Variants in PLXDC1 observed in about 807,000 individuals in gnomAD.
PLXDC1 encodes the protein plexin domain containing 1.
In PLXDC1, 39 loss-of-function variants were observed where a neutral mutation model predicts 61.3. That is an observed-to-expected ratio of 0.64 (90% CI 0.49 to 0.83). PLXDC1 has a LOEUF of 0.83. Ranked by LOEUF, PLXDC1 falls within the 40% of genes least tolerant of loss-of-function variation. The probability of loss-of-function intolerance (pLI) is 0.00; values close to 1 mark genes in which losing one functional copy is unlikely to be tolerated. For missense variants in PLXDC1, 596 were observed against 666.5 expected, an observed-to-expected ratio of 0.89 and a Z score of 1.17; for synonymous variants, 212 against 254.5, an observed-to-expected ratio of 0.83 and a Z score of 1.59.
intron 7 of PLXDC1, among the ~76,000 whole-genome samples, chr17:39,094,614 A>G (rs1910076329): frequency 6.6e-6 from 1 of 152,194 alleles, no homozygotes; most frequent in Non-Finnish European, 1.5e-5. Flanking sequence ...AAGCTCCGCT[A>G]AGACAGAGTC....
chr17:39,120,758 ATTTT>A (rs57148436), intron 2 of PLXDC1, among the ~76,000 whole-genome samples: 4,200 of 124,304 alleles, frequency 0.034, 79 homozygotes, highest in African/African-American at 0.052. Flanking sequence ...CACCCAGCTA[ATTTT>A]TTTTTTTTTT....
At chr17:39,122,177 C>T (rs1355308377) in intron 2 of PLXDC1, among the ~76,000 whole-genome samples, 2 of 149,028 alleles carry the variant, frequency 1.3e-5, no homozygotes, top group South Asian at 2.1e-4. Flanking sequence ...CCGAGGTAGG[C>T]GGATCACTTG....
At chr17:39,121,208 A>G (rs933566286) in intron 2 of PLXDC1, among the ~76,000 whole-genome samples, 7 of 152,222 alleles carry the variant, frequency 4.6e-5, no homozygotes, top group African/African-American at 1.7e-4. Context: ...AGAATCTCTG[A>G]ACCCACCTAT....
intron 7 of PLXDC1, among the ~76,000 whole-genome samples, chr17:39,092,949 C>T (rs1295968537): frequency 6.6e-6 from 1 of 152,234 alleles, no homozygotes; most frequent in Non-Finnish European, 1.5e-5. Context: ...TAGGAAGAGA[C>T]ATGTTCAGTT....
At chr17:39,140,128 G>A (rs1195626163) in intron 1 of PLXDC1, among the ~76,000 whole-genome samples, 1 of 152,166 alleles carries the variant, frequency 6.6e-6, no homozygotes, top group Non-Finnish European at 1.5e-5. Flanking sequence ...GTCACGCAGT[G>A]GGTTAGGCAT....
Position 39,129,016 on chromosome 17 carries a change from G to C in PLXDC1, c.255+10638C>G, listed in dbSNP as rs114964092. Among the ~76,000 whole-genome samples the C allele has an allele frequency of 6.9e-3, 1,017 of 147,514 alleles. 18 individuals carry two copies. The highest frequency in any genetic ancestry group is 0.024 in the African/African-American group (940 of 39,958). ...CAGAGCAAGACTCCATCTCAAAAGA[G>C]AGAAAAAAACAGATACTCATGCCAG... On this transcript the variant is annotated intron_variant, in intron 2 of 13. Transcript: ENST00000315392.
intron 2 of PLXDC1, among the ~76,000 whole-genome samples, chr17:39,125,056 A>G (rs1911275358): frequency 6.6e-6 from 1 of 152,082 alleles, no homozygotes. Context: ...GGCTCAAGCA[A>G]TCCTCCCTCC....
rs1555573192 is a variant in PLXDC1 at position 39,128,117 on chromosome 17, A to ATATATG, written c.255+11536_255+11537insCATATA. Among the ~76,000 whole-genome samples the ATATATG allele has an allele frequency of 1.7e-3, 163 of 96,396 alleles. 8 individuals are homozygous for ATATATG. Among genetic ancestry groups the ATATATG allele is most frequent in the South Asian group, 0.016 (50 of 3,084 alleles). The allele number at this position is 96,396 out of a possible 152,430, so 63.2% of individuals were successfully genotyped here. On this transcript the variant is annotated intron_variant, in intron 2 of 13. Transcript: ENST00000315392. ...TATGTGTATATATATATATATATGT[A>ATATATG]TATATATATGTGTATATATATGTAT...
intron 7 of PLXDC1, among the ~76,000 whole-genome samples, chr17:39,096,255 G>C (rs887959932): frequency 4.6e-5 from 7 of 152,204 alleles, no homozygotes; most frequent in African/African-American, 1.7e-4. Context: ...AAGTAGGGGG[G>C]TCCCTCAGCA....
intron 2 of PLXDC1, among the ~76,000 whole-genome samples, chr17:39,114,328 G>A (rs903897493): frequency 5.3e-5 from 8 of 152,166 alleles, no homozygotes; most frequent in Non-Finnish European, 1.0e-4. Flanking sequence ...GGACCTTGGT[G>A]CCGCCTGTGC....
Position 39,064,397 on chromosome 17 carries a change from T to C in PLXDC1, c.*3443A>G, listed in dbSNP as rs1352482783. ...AACTCCCCAGCTCTGTGAGAAGTTT[T>C]AGGGGCAGGGGGTTTAAATTATCAA... On this transcript the variant is annotated 3_prime_UTR_variant, in exon 14 of 14. Transcript: ENST00000315392. 6.6e-6 allele frequency: 1 copy of C among 152,170 alleles called. No homozygotes were observed. The highest frequency in any genetic ancestry group is 1.5e-5 in the Non-Finnish European group (1 of 68,030). The allele number at this position is 152,170 out of a possible 1,614,324, so 9.4% of individuals were successfully genotyped here. A position where few individuals can be genotyped will look rare whatever the true frequency, so the allele number is the denominator to read the frequency against.
rs752408419 is a variant in PLXDC1, at chr17:39,087,694, G to A, written c.820C>T (p.Arg274Ter). 6.2e-6 allele frequency: 10 copies of A among 1,612,836 alleles called. No individual in the cohort carries two copies. The highest frequency in any genetic ancestry group is 2.2e-5 in the East Asian group (1 of 44,874). The change falls in exon 8 of 14, where the codon CGA becomes TGA. Residue 274 changes from arginine (R) to a stop codon, truncating the protein, a stop_gained. Transcript: ENST00000315392. LOFTEE classifies it high-confidence loss of function. ...NPSPDVPESRRRSIFEYHRIE... is the reference protein window; with the variant it reads ...NPSPDVPESR ...CGGTGATATTCAAAGATGCTCCTTCGCCGAGATTCTGAAACAGAGGCAGAG... is the reference window on the plus strand; with the variant it reads ...CGGTGATATTCAAAGATGCTCCTTCACCGAGATTCTGAAACAGAGGCAGAG...
chr17:39,127,317 G>T (rs532267652), intron 2 of PLXDC1, among the ~76,000 whole-genome samples: 55 of 152,202 alleles, frequency 3.6e-4, no homozygotes, highest in African/African-American at 1.3e-3. Flanking sequence ...TTTCCAGGAT[G>T]CCAGACTCTC....
chr17:39,108,040 C>T, intron 5 of PLXDC1, 83 bp downstream of exon 5: 1 of 1,560,656 alleles, frequency 6.4e-7, no homozygotes, highest in Admixed American at 1.7e-5. Context: ...GACCCTTGCC[C>T]TCTCTAGGCC....
At chr17:39,139,948 A>T in intron 1 of PLXDC1, 116 bp from the exon 2 acceptor site, 2 of 1,027,888 alleles carry the variant, frequency 1.9e-6, no homozygotes, top group East Asian at 2.6e-5. Context: ...GAATTTGCAG[A>T]CACTTGACTG....
At chr17:39,140,316 CTTTTTT>C (rs772766013) in intron 1 of PLXDC1, among the ~76,000 whole-genome samples, 1 of 151,028 alleles carries the variant, frequency 6.6e-6, no homozygotes, top group South Asian at 2.1e-4. Flanking sequence ...TTTTCTTTTT[CTTTTTT>C]TGAAATGGAG....
intron 13 of PLXDC1, among the ~76,000 whole-genome samples, chr17:39,069,129 T>C (rs1048266776): frequency 3.3e-5 from 5 of 152,166 alleles, no homozygotes; most frequent in Non-Finnish European, 5.9e-5. Flanking sequence ...ATTTTAGAGA[T>C]GGGGTCTCCT....
At chr17:39,098,299 C>G (rs1324037282) in intron 7 of PLXDC1, among the ~76,000 whole-genome samples, 1 of 151,588 alleles carries the variant, frequency 6.6e-6, no homozygotes, top group Non-Finnish European at 1.5e-5. Context: ...CTAAAAACCT[C>G]TGACAAAAAG....
At chr17:39,070,886 G>A (rs1376215300) in intron 12 of PLXDC1, among the ~76,000 whole-genome samples, 3 of 152,248 alleles carry the variant, frequency 2.0e-5, no homozygotes, top group African/African-American at 4.8e-5. Context: ...GCTGAGGCAG[G>A]AGAATAGCTT....
Sources: allele counts gnomAD v4.1 joint callset (sites outside exome capture counted in the v4.1 genomes callset), GRCh38; gene constraint gnomAD v4.1.1; transcripts MANE v1.5; gene names NCBI Gene and HGNC (gene_info 2026-07-23, HGNC 2026-07-21).